Variants in SYNJ2 observed in about 807,000 individuals in gnomAD.
The protein encoded by SYNJ2 is synaptojanin 2, also known as polyphosphatidylinositol phosphatase SYNJ2.
SYNJ2 carries 116 observed loss-of-function variants against 141.3 expected under a neutral mutation model. The observed-to-expected ratio is 0.82, with a 90% CI of 0.71 to 0.96. The LOEUF is 0.96. SYNJ2 is among the 40% of genes least tolerant of loss of function. The pLI is 0.00. For synonymous variants in SYNJ2, 745 were observed against 777.7 expected (o/e 0.96, Z 0.70); for missense variants, 1,873 against 1,934.8 (o/e 0.97, Z 0.60).
In SYNJ2 at chr6:158,096,047, C is replaced by T. The variant is rs1266971840; in HGVS notation, c.4174C>T (p.Pro1392Ser). The T allele has an allele frequency of 1.2e-6, 2 of 1,614,136 alleles. No homozygotes were observed. The highest frequency in any genetic ancestry group is 1.3e-5 in the African/African-American group (1 of 74,940). Residue 1392 changes from proline to serine, a missense_variant, in exon 27 of 27, where the codon CCC becomes TCC. By Grantham distance (74) the Pro-to-Ser change is moderately conservative. Transcript: ENST00000355585. Reference sequence around the variant, plus strand: ...TCTCAGCACTTCATCTGCTACAAGCCCCGACAGCGATGGCACCAAAGCGAT... The same window carrying T: ...TCTCAGCACTTCATCTGCTACAAGCTCCGACAGCGATGGCACCAAAGCGAT... The part of the protein sequence containing the change: ...DFLSTSSATS[P>S]DSDGTKAMKP...
intron 1 of SYNJ2, chr6:158,002,035 T>G (rs143978200): frequency 1.3e-5 from 2 of 152,508 alleles, no homozygotes; most frequent in Non-Finnish European, 2.9e-5. Flanking sequence ...TTCTGAAACC[T>G]TTCCTCAAGG....
chr6:157,998,275 C>CAG (rs1325248091), intron 1 of SYNJ2, among the ~76,000 whole-genome samples: 1 of 152,216 alleles, frequency 6.6e-6, no homozygotes, highest in East Asian at 1.9e-4. Flanking sequence ...ACCAGCCTTA[C>CAG]AGAGCCCTGG....
At chr6:158,066,968 T>C (rs920442005) in intron 12 of SYNJ2, among the ~76,000 whole-genome samples, 2 of 152,202 alleles carry the variant, frequency 1.3e-5, no homozygotes, top group African/African-American at 4.8e-5. Flanking sequence ...ACTGTGAGGT[T>C]GGGAGCCAAG....
chr6:158,068,820 C>T, intron 13 of SYNJ2, 92 bp downstream of exon 13: 3 of 1,417,776 alleles, frequency 2.1e-6, no homozygotes, highest in Non-Finnish European at 2.0e-6. Context: ...GGGAGCCAGC[C>T]TGCTTCTGAG....
chr6:158,083,539 C>T lies in SYNJ2; in HGVS notation c.2976C>T (p.Ala992=). The T allele has an allele frequency of 2.5e-6, 4 of 1,614,172 alleles. No homozygotes were observed. Among genetic ancestry groups the T allele is most frequent in the Non-Finnish European group, 3.4e-6 (4 of 1,180,042 alleles). Residue 992 remains alanine, a synonymous_variant, in exon 21 of 27, where the codon GCC becomes GCT. Coordinates refer to ENST00000355585, the MANE Select transcript of SYNJ2 (RefSeq NM_003898.4). The stretch of plus-strand genomic sequence containing the variant: ...GCATGGCCCCCGTGTCTCCCACTGC[C>T]AACTCCTGTTTGCTGGAGGAAAACT... ...RDSMAPVSPT[A]NSCLLEENFD...
In SYNJ2 at chr6:158,083,705, C is replaced by G; in HGVS notation, c.3034+108C>G. On this transcript the variant is annotated intron_variant, in intron 21 of 26. Coordinates refer to ENST00000355585, the MANE Select transcript of SYNJ2 (RefSeq NM_003898.4). ...CCTTGCAGAAGTGACGGAGGACACCCGCAGGGCAAGCCCTCTGTCCCATGT... is the reference window on the plus strand; with the variant it reads ...CCTTGCAGAAGTGACGGAGGACACCGGCAGGGCAAGCCCTCTGTCCCATGT... 5 of 1,425,052 alleles carry G rather than the reference C, an allele frequency of 3.5e-6. 1 individual carries two copies. In the South Asian group the frequency reaches 6.2e-5, roughly 18 times the overall value. 88.3% of individuals were successfully genotyped at this position (1,425,052 alleles called of 1,614,324 possible). A position where few individuals can be genotyped will look rare whatever the true frequency, so the allele number is the denominator to read the frequency against.
chr6:158,023,120 C>T (rs892012283), intron 2 of SYNJ2, among the ~76,000 whole-genome samples: 1 of 151,836 alleles, frequency 6.6e-6, no homozygotes, highest in Admixed American at 6.6e-5. Context: ...ATGCCAGGAG[C>T]GGTGGTGCAC....
At chr6:158,017,839 G>A (rs1778549501) in intron 2 of SYNJ2, 1 of 517,988 alleles carries the variant, frequency 1.9e-6, no homozygotes, top group Non-Finnish European at 4.0e-6. Context: ...GGGGAGCAGG[G>A]TGGGGTTCCC....
intron 2 of SYNJ2, among the ~76,000 whole-genome samples, chr6:158,024,857 C>T (rs945327059): frequency 6.6e-6 from 1 of 152,210 alleles, no homozygotes; most frequent in Non-Finnish European, 1.5e-5. Flanking sequence ...TATCACGTTA[C>T]TGTGTAGATT....
intron 5 of SYNJ2, among the ~76,000 whole-genome samples, chr6:158,049,187 A>T (rs1012588262): frequency 1.3e-5 from 2 of 152,152 alleles, no homozygotes; most frequent in Non-Finnish European, 2.9e-5. Flanking sequence ...ATAGGATTGA[A>T]CTAATGACTT....
At chr6:158,005,003 T>G (rs950730611) in intron 1 of SYNJ2, among the ~76,000 whole-genome samples, 3 of 151,812 alleles carry the variant, frequency 2.0e-5, no homozygotes, top group Non-Finnish European at 4.4e-5. Context: ...CCCTCCAGCA[T>G]CTGTCTCAAA....
chr6:158,073,417 C>T (rs1388490510), intron 15 of SYNJ2, among the ~76,000 whole-genome samples: 1 of 152,030 alleles, frequency 6.6e-6, no homozygotes, highest in African/African-American at 2.4e-5. Flanking sequence ...CAGCTGGTCT[C>T]GAACTCCTGA....
intron 1 of SYNJ2, among the ~76,000 whole-genome samples, chr6:157,993,445 G>A (rs909838941): frequency 1.3e-4 from 20 of 152,178 alleles, no homozygotes; most frequent in African/African-American, 4.6e-4. Flanking sequence ...TCCCTTGTCA[G>A]ATGAGTAGTT....
At chr6:158,093,600 G>C (rs1209814003) in intron 26 of SYNJ2, among the ~76,000 whole-genome samples, 3 of 152,164 alleles carry the variant, frequency 2.0e-5, no homozygotes, top group Non-Finnish European at 2.9e-5. Context: ...CTTGGCTCTG[G>C]CTGAGAAGAA....
At chr6:158,094,394 CA>C (rs532980446) in intron 26 of SYNJ2, among the ~76,000 whole-genome samples, 2,766 of 73,148 alleles carry the variant, frequency 0.038, 61 homozygotes, top group African/African-American at 0.12. Context: ...TACGGCTGGG[CA>C]AAAAAAAAAA....
At position 157,981,874 on chromosome 6, in the gene SYNJ2, A is replaced by G. The variant is rs994211960; in HGVS notation, c.-88A>G. 5 of 1,140,218 alleles carry G rather than the reference A, an allele frequency of 4.4e-6. No homozygotes were observed. Among genetic ancestry groups the G allele is most frequent in the Non-Finnish European group, 5.5e-6 (5 of 908,128 alleles). The allele number at this position is 1,140,218 out of a possible 1,614,324, so 70.6% of individuals were successfully genotyped here. A position where few individuals can be genotyped will look rare whatever the true frequency, so the allele number is the denominator to read the frequency against. ...CGGCGGCGCAAAGTGAAACTCTGGC[A>G]AGTTGCGGGCGCGCGGGGAGCTGTC... On this transcript the variant is annotated 5_prime_UTR_variant, in exon 1 of 27. Coordinates refer to ENST00000355585, the MANE Select transcript of SYNJ2 (RefSeq NM_003898.4). The surrounding 1 kb of genome is among the most constrained non-coding windows in gnomAD (Gnocchi z 6.4).
chr6:158,053,587 C>T (rs1365182166), intron 5 of SYNJ2, among the ~76,000 whole-genome samples: 1 of 151,894 alleles, frequency 6.6e-6, no homozygotes, highest in Non-Finnish European at 1.5e-5. Flanking sequence ...ATTCACCCAC[C>T]CACCTGCTTA....
chr6:158,018,340 T>C (rs890813844), intron 2 of SYNJ2, among the ~76,000 whole-genome samples: 7 of 152,188 alleles, frequency 4.6e-5, no homozygotes, highest in African/African-American at 1.4e-4. Context: ...TGGACATCTC[T>C]TGTGACTTCT....
intron 2 of SYNJ2, among the ~76,000 whole-genome samples, chr6:158,024,298 G>T (rs1778924388): frequency 6.6e-6 from 1 of 152,134 alleles, no homozygotes; most frequent in Admixed American, 6.5e-5. Context: ...GGGGGCTCAT[G>T]CCTGTAATCC....
Sources: allele counts gnomAD v4.1 joint callset (sites outside exome capture counted in the v4.1 genomes callset), GRCh38; gene constraint gnomAD v4.1.1; non-coding constraint Gnocchi (gnomAD v3.1); transcripts MANE v1.5; gene names NCBI Gene and HGNC (gene_info 2026-07-23, HGNC 2026-07-21).